The following CREB5 variants were observed in gnomAD, a reference collection of about 807,000 sequenced individuals.
CREB5 encodes the protein cyclic AMP-responsive element-binding protein 5.
In CREB5, 19 loss-of-function variants were observed where a neutral mutation model predicts 57.1. The ratio of observed to expected loss-of-function variants is 0.33; its 90% CI spans 0.23 to 0.49. CREB5 has a LOEUF of 0.49. CREB5 is among the 20% of genes least tolerant of loss of function. The pLI is 0.99. For missense variants in CREB5, 579 were observed against 671.6 expected (o/e 0.86, Z 1.52); for synonymous variants, 238 against 238.3 (o/e 1.00, Z 0.01).
chr7:28,592,638 T>A (rs1796561685), intron 5 of CREB5, among the ~76,000 whole-genome samples: 1 of 152,120 alleles, frequency 6.6e-6, no homozygotes, highest in African/African-American at 2.4e-5. Context: ...AGTTCAAACA[T>A]GCATGGATCA....
chr7:28,629,348 A>G (rs570432370), intron 5 of CREB5, among the ~76,000 whole-genome samples: 1 of 152,268 alleles, frequency 6.6e-6, no homozygotes, highest in Admixed American at 6.5e-5. Flanking sequence ...TTCCTTGGAG[A>G]GTTGTCCTGG....
At chr7:28,659,609 A>C (rs75746272) in intron 5 of CREB5, among the ~76,000 whole-genome samples, 2 of 152,132 alleles carry the variant, frequency 1.3e-5, no homozygotes, top group Admixed American at 1.3e-4. Context: ...TTTTACAATT[A>C]TTTTTAGTTT....
intron 4 of CREB5, among the ~76,000 whole-genome samples, chr7:28,539,468 A>G (rs1034272136): frequency 6.6e-6 from 1 of 152,244 alleles, no homozygotes; most frequent in Non-Finnish European, 1.5e-5. Flanking sequence ...TTTAGGCACA[A>G]AATCGGTAAA....
At chr7:28,731,760 A>G (rs1372322229) in intron 7 of CREB5, among the ~76,000 whole-genome samples, 2 of 152,214 alleles carry the variant, frequency 1.3e-5, no homozygotes, top group African/African-American at 4.8e-5. Context: ...AGCGAAGTAC[A>G]CAGGGGTGAA....
At chr7:28,513,554 A>G (rs547337754) in intron 4 of CREB5, 2 of 94,508 alleles carry the variant, frequency 2.1e-5, no homozygotes, top group South Asian at 5.9e-4. Context: ...CCTAAGGCTT[A>G]TATTATAAGG....
intron 1 of CREB5, among the ~76,000 whole-genome samples, chr7:28,447,110 A>G (rs568706945): frequency 4.5e-4 from 68 of 152,314 alleles, no homozygotes; most frequent in African/African-American, 1.6e-3. Flanking sequence ...AATTCTTGTG[A>G]GACCTAAATA....
chr7:28,539,662 T>C (rs1794123269), intron 4 of CREB5, among the ~76,000 whole-genome samples: 1 of 152,222 alleles, frequency 6.6e-6, no homozygotes, highest in South Asian at 2.1e-4. Context: ...CTTCAGGCCA[T>C]GGGAAGGTCT....
chr7:28,443,819 A>T (rs1167033372), intron 1 of CREB5, among the ~76,000 whole-genome samples: 1 of 152,088 alleles, frequency 6.6e-6, no homozygotes, highest in Admixed American at 6.5e-5. Context: ...TTTGGGACAC[A>T]TGTTTCTCCT....
rs750146422 is a variant in CREB5 at position 28,570,535 on chromosome 7, C to T, written c.462C>T (p.Ile154=). ...AGGCACCTTCCACCAACCGCCAGAT[C>T]GGGTAAGGAGCCCTCCTTGGCTGCC... ...ITQAPSTNRQ[I]GPVPGSLSSL... is the part of the protein sequence containing the mutation. Residue 154 remains isoleucine, a splice_region_variant and synonymous_variant, in exon 5 of 11, where the codon ATC becomes ATT. Coordinates refer to ENST00000357727, the MANE Select transcript of CREB5 (RefSeq NM_182898.4). 9 of 1,613,340 alleles carry T rather than the reference C, an allele frequency of 5.6e-6. No individual in the cohort carries two copies. Among genetic ancestry groups the T allele is most frequent in the Admixed American group, 1.7e-5 (1 of 59,942 alleles).
chr7:28,598,769 G>C (rs1385562838), intron 5 of CREB5, among the ~76,000 whole-genome samples: 1 of 152,120 alleles, frequency 6.6e-6, no homozygotes, highest in African/African-American at 2.4e-5. Context: ...AAGAAGAGCG[G>C]CATAGGTAGA....
chr7:28,337,116 A>G (rs370124245), intron 1 of CREB5, among the ~76,000 whole-genome samples: 1 of 152,126 alleles, frequency 6.6e-6, no homozygotes, highest in East Asian at 1.9e-4. Context: ...GGCCTAACAT[A>G]TGGTCTAGCC....
In CREB5 at chr7:28,611,489, T is replaced by TAAAAAAA. The variant is rs59192497; in HGVS notation, c.464+40973_464+40979dup. On this transcript the variant is annotated intron_variant, in intron 5 of 10. Transcript: ENST00000357727. ...CAACATGGTGAAACCCCATCTCTAC[T>TAAAAAAA]AAAAAAAAAAAAAAAAAAAAAAAAA... Among the ~76,000 whole-genome samples, 23 of 47,974 alleles carry TAAAAAAA rather than the reference T, an allele frequency of 4.8e-4. No individual in the cohort carries two copies. In the East Asian group the frequency reaches 8.7e-3, roughly 18 times the overall value. 31.5% of individuals were successfully genotyped at this position (47,974 alleles called of 152,430 possible).
At chr7:28,305,306 T>G (rs550121147) in intron 1 of CREB5, among the ~76,000 whole-genome samples, 1 of 152,280 alleles carries the variant, frequency 6.6e-6, no homozygotes, top group South Asian at 2.1e-4. Flanking sequence ...TGTCCAGCCT[T>G]TTGCTCTTTC....
At chr7:28,338,780 G>T (rs186128352) in intron 1 of CREB5, among the ~76,000 whole-genome samples, 4 of 151,778 alleles carry the variant, frequency 2.6e-5, no homozygotes, top group Admixed American at 1.3e-4. Flanking sequence ...TTATTTTCTC[G>T]ATCTGGTAGA....
chr7:28,669,715 T>C (rs183084029), intron 5 of CREB5, among the ~76,000 whole-genome samples: 28 of 152,368 alleles, frequency 1.8e-4, no homozygotes, highest in African/African-American at 6.5e-4. Flanking sequence ...TAACAGTGGC[T>C]ACAAGCCAAG....
rs1301309155 is a variant in CREB5 at position 28,327,175 on chromosome 7, C to CT, written c.-25+27734_-25+27735insT. Among the ~76,000 whole-genome samples, 800 of 147,596 alleles carry CT rather than the reference C, an allele frequency of 5.4e-3. 3 individuals are homozygous for CT. Among genetic ancestry groups the CT allele is most frequent in the Middle Eastern group, 0.017 (5 of 290 alleles). On this transcript the variant is annotated intron_variant, in intron 1 of 9. Transcript: ENST00000396299. The stretch of plus-strand genomic sequence containing the variant: ...AAAAAAAAAAAAAAAAAAAGGAAAC[C>CT]GTATTTAGTAGATTTTATCTGAATA...
intron 5 of CREB5, among the ~76,000 whole-genome samples, chr7:28,701,075 G>T (rs1387805563): frequency 6.6e-6 from 1 of 152,024 alleles, no homozygotes; most frequent in African/African-American, 2.4e-5. Flanking sequence ...AGCATTAAGA[G>T]CTATTCGAAA....
chr7:28,555,231 T>G (rs1794817789), intron 4 of CREB5, among the ~76,000 whole-genome samples: 1 of 152,066 alleles, frequency 6.6e-6, no homozygotes. Flanking sequence ...AAAGCATTCA[T>G]GAGGGCTGGC....
chr7:28,327,846 T>A (rs1290227408), intron 1 of CREB5, among the ~76,000 whole-genome samples: 1 of 152,234 alleles, frequency 6.6e-6, no homozygotes, highest in Non-Finnish European at 1.5e-5. Context: ...GTGTGGCAGA[T>A]AAGATGGCTT....
Sources: allele counts gnomAD v4.1 joint callset (sites outside exome capture counted in the v4.1 genomes callset), GRCh38; gene constraint gnomAD v4.1.1; transcripts MANE v1.5; gene names NCBI Gene and HGNC (gene_info 2026-07-23, HGNC 2026-07-21).